Variants in NCOA6 observed in about 807,000 individuals in gnomAD.
NCOA6 encodes nuclear receptor coactivator 6, also known as NRC RAP250.
In NCOA6, 49 loss-of-function variants were observed where a neutral mutation model predicts 171.4. That is an observed-to-expected ratio of 0.29 (90% CI 0.23 to 0.36). NCOA6 has a LOEUF of 0.36. Among genes scored for constraint, NCOA6 ranks in the 10% least tolerant of loss-of-function variants. The pLI, the probability that NCOA6 is intolerant of heterozygous loss-of-function variation, is 1.00. For synonymous variants in NCOA6, 910 were observed against 927.5 expected (o/e 0.98, Z 0.34); for missense variants, 2,248 against 2,554.5 (o/e 0.88, Z 2.59).
At chr20:34,724,361 G>A (rs527784186) in intron 14 of NCOA6, among the ~76,000 whole-genome samples, 4 of 152,268 alleles carry the variant, frequency 2.6e-5, no homozygotes, top group East Asian at 1.9e-4. Context: ...GTGAGGCATC[G>A]TGACATTCTT....
At chr20:34,727,157 C>A in intron 14 of NCOA6, 102 bp downstream of exon 14, 1 of 1,374,670 alleles carries the variant, frequency 7.3e-7, no homozygotes, top group South Asian at 1.3e-5. Context: ...TGACAGACTT[C>A]AGGAACAGAA....
intron 10 of NCOA6, among the ~76,000 whole-genome samples, chr20:34,745,217 T>G (rs2076268215): frequency 6.6e-6 from 1 of 152,226 alleles, no homozygotes; most frequent in African/African-American, 2.4e-5. Context: ...AGTGCCAAAC[T>G]GCAGAGCAGA....
intron 1 of NCOA6, chr20:34,820,913 A>T (rs1338826618): frequency 6.6e-6 from 1 of 152,248 alleles, no homozygotes; most frequent in Non-Finnish European, 1.5e-5. Context: ...TGGCAAAACA[A>T]GCCCGAGCAT....
intron 9 of NCOA6, among the ~76,000 whole-genome samples, chr20:34,748,184 C>A (rs962626767): frequency 6.6e-6 from 1 of 152,004 alleles, no homozygotes; most frequent in Non-Finnish European, 1.5e-5. Context: ...TCCCAGACTA[C>A]CGAGAGAATA....
chr20:34,723,299 G>T (rs1391681637), intron 14 of NCOA6, among the ~76,000 whole-genome samples: 2 of 152,188 alleles, frequency 1.3e-5, no homozygotes, highest in Non-Finnish European at 2.9e-5. Flanking sequence ...CACCCAGCTG[G>T]TGTCTGAGGC....
chr20:34,789,234 T>C (rs1304558714), intron 2 of NCOA6, among the ~76,000 whole-genome samples: 1 of 152,218 alleles, frequency 6.6e-6, no homozygotes, highest in Admixed American at 6.5e-5. Context: ...TGCAATTTCT[T>C]CAAGTTTCAA....
chr20:34,819,062 T>C, intron 1 of NCOA6, among the ~76,000 whole-genome samples: 1 of 152,238 alleles, frequency 6.6e-6, no homozygotes, highest in Non-Finnish European at 1.5e-5. Context: ...CTATTCATTA[T>C]GATCAAGTAT....
chr20:34,722,843 C>CCA (rs1437817909), intron 14 of NCOA6, among the ~76,000 whole-genome samples: 1 of 151,692 alleles, frequency 6.6e-6, no homozygotes, highest in Non-Finnish European at 1.5e-5. Context: ...ACACACACAC[C>CCA]CACACACACA....
chr20:34,723,284 G>A (rs1163553526), intron 14 of NCOA6, among the ~76,000 whole-genome samples: 1 of 152,180 alleles, frequency 6.6e-6, no homozygotes, highest in Non-Finnish European at 1.5e-5. Context: ...AATTGAATTG[G>A]AGGACACCCA....
chr20:34,760,201 CAA>C (rs1035259585), intron 5 of NCOA6, among the ~76,000 whole-genome samples: 21 of 152,138 alleles, frequency 1.4e-4, no homozygotes, highest in African/African-American at 5.1e-4. Context: ...CACTTGAGCC[CAA>C]GAGTTTGAGG....
intron 7 of NCOA6, among the ~76,000 whole-genome samples, chr20:34,756,521 A>G (rs1472382088): frequency 5.3e-5 from 8 of 152,236 alleles, no homozygotes. Flanking sequence ...TCAATGATTA[A>G]TAAGAATAAA....
intron 1 of NCOA6, 31 bp from the exon 2 acceptor site, chr20:34,792,594 A>AAG (rs528280509): frequency 1.4e-4 from 55 of 397,940 alleles, no homozygotes; most frequent in East Asian, 1.2e-3. Context: ...CAACAACAAA[A>AAG]AGAGAGAGAG....
chr20:34,775,408 G>A (rs1349987890), intron 4 of NCOA6, among the ~76,000 whole-genome samples: 6 of 151,932 alleles, frequency 3.9e-5, no homozygotes, highest in Admixed American at 6.6e-5. Flanking sequence ...AATGAACACT[G>A]CGGGCCGGCG....
At position 34,757,698 on chromosome 20, in the gene NCOA6, G is replaced by A. The variant is rs528193523; in HGVS notation, c.1050C>T (p.Pro350=). Residue 350 remains proline, a synonymous_variant, in exon 7 of 15, where the codon CCC becomes CCT. Transcript: ENST00000359003. ...ANQGWKKAPL[P]GPMQQQLQAR... is the part of the protein sequence containing the mutation. ...CCTGGAGTTGCTGTTGCATTGGGCC[G>A]GGCAAGGGAGCCTTCTTCCACCCTT... 9.9e-6 allele frequency: 16 copies of A among 1,614,092 alleles called. No homozygotes were observed. Among genetic ancestry groups the A allele is most frequent in the East Asian group, 4.5e-5 (2 of 44,888 alleles).
In NCOA6 at chr20:34,749,595, G is replaced by T. The variant is rs2076406678; in HGVS notation, c.2600C>A (p.Ser867Tyr). The change falls in exon 9 of 15, where the codon TCC becomes TAC. Residue 867 changes from serine to tyrosine, a missense_variant. Coordinates refer to ENST00000359003, the MANE Select transcript of NCOA6 (RefSeq NM_014071.5). ...FSGAPNGNQM[S>Y]CGQNPGFPVN... is the part of the protein sequence containing the mutation. Reference sequence around the variant, plus strand: ...TGGGAAGCCTGGATTTTGACCACAGGACATCTGATTTCCATTGGGAGCTCC... The same window carrying T: ...TGGGAAGCCTGGATTTTGACCACAGTACATCTGATTTCCATTGGGAGCTCC... 1 of 1,614,178 alleles carries T rather than the reference G, an allele frequency of 6.2e-7. No homozygotes were observed. Among genetic ancestry groups the T allele is most frequent in the Non-Finnish European group, 8.5e-7 (1 of 1,180,048 alleles).
Position 34,798,331 on chromosome 20 carries a change from T to C in NCOA6, c.-163-5768A>G, listed in dbSNP as rs529043577. ...AAAGCACTAGATAGATTCCTAAGGT[T>C]TCTGACTTCAGGCCCTGGCTTCCGA... is the stretch of plus-strand genomic sequence containing the variant. On this transcript the variant is annotated intron_variant, in intron 1 of 14. Transcript: ENST00000359003. Among the ~76,000 whole-genome samples the C allele has an allele frequency of 1.1e-4, 17 of 152,328 alleles. No homozygotes were observed. In the South Asian group the frequency reaches 2.1e-3, roughly 19 times the overall value.
At chr20:34,736,395 ACT>A (rs759475190) in intron 12 of NCOA6, among the ~76,000 whole-genome samples, 20 of 152,164 alleles carry the variant, frequency 1.3e-4, no homozygotes, top group Non-Finnish European at 1.9e-4. Context: ...AACAGGGAAA[ACT>A]CTGCAACAGA....
rs2076597654 is a variant in NCOA6 at position 34,754,829 on chromosome 20, T to C, written c.1568A>G (p.Gln523Arg). Residue 523 changes from glutamine to arginine, a missense_variant, in exon 8 of 15, where the codon CAG becomes CGG. Coordinates refer to ENST00000359003, the MANE Select transcript of NCOA6 (RefSeq NM_014071.5). ...ACCTTGCATAAAGTTCGGATTGGCC[T>C]GTCCTGCTGAGAAGCCAGGTGGGAG... ...KRLPPGFSAGQANPNFMQGQV... is the reference protein window; with the variant it reads ...KRLPPGFSAGRANPNFMQGQV... The C allele has an allele frequency of 1.2e-6, 2 of 1,614,198 alleles. No homozygotes were observed. Among genetic ancestry groups the C allele is most frequent in the Non-Finnish European group, 8.5e-7 (1 of 1,180,028 alleles).
intron 8 of NCOA6, among the ~76,000 whole-genome samples, chr20:34,751,334 C>T (rs2076474164): frequency 7.9e-6 from 1 of 126,712 alleles, no homozygotes; most frequent in Admixed American, 9.9e-5. Flanking sequence ...TGCGCCACTG[C>T]AGTCCGCAGT....
Sources: gnomAD v4.1 joint callset for allele counts (sites outside exome capture counted in the v4.1 genomes callset) on GRCh38, gnomAD v4.1.1 for gene constraint, MANE v1.5 for transcripts, NCBI Gene and HGNC (gene_info 2026-07-23, HGNC 2026-07-21) for gene names.